CAMK4: variants seen among roughly 807,000 people sequenced by gnomAD.
The protein encoded by CAMK4 is calcium/calmodulin dependent protein kinase IV.
A neutral mutation model predicts 44.9 loss-of-function variants in CAMK4; 22 were observed. The ratio of observed to expected loss-of-function variants is 0.49; its 90% CI spans 0.35 to 0.70. The LOEUF (loss-of-function observed/expected upper bound fraction) is 0.70, where lower values mean the gene tolerates loss of function less well. Among genes scored for constraint, CAMK4 ranks in the 30% least tolerant of loss-of-function variants. CAMK4 has a pLI of 0.01. For synonymous variants in CAMK4, 218 were observed against 215.4 expected (o/e 1.01, Z -0.11); for missense variants, 498 against 586.8 (o/e 0.85, Z 1.56).
At chr5:111,392,643 A>T (rs1286041153) in intron 4 of CAMK4, among the ~76,000 whole-genome samples, 1 of 152,200 alleles carries the variant, frequency 6.6e-6, no homozygotes, top group East Asian at 1.9e-4. Flanking sequence ...TAGTAAAAAC[A>T]TATATAAAAC....
intron 4 of CAMK4, among the ~76,000 whole-genome samples, chr5:111,390,425 T>G (rs1025587649): frequency 1.3e-5 from 2 of 152,176 alleles, no homozygotes; most frequent in Non-Finnish European, 2.9e-5. Flanking sequence ...TTACAGATTT[T>G]AAATTCAACT....
chr5:111,338,389 A>G (rs940133682), intron 1 of CAMK4, among the ~76,000 whole-genome samples: 4 of 151,250 alleles, frequency 2.6e-5, no homozygotes, highest in Admixed American at 6.6e-5. Context: ...TCTCCACTCC[A>G]ATCCTCTGGT....
chr5:111,320,996 T>G (rs306076), intron 1 of CAMK4, among the ~76,000 whole-genome samples: 129,318 of 152,128 alleles, frequency 0.85, 55,116 homozygotes, highest in East Asian at 0.99. Context: ...TGAAATGGAA[T>G]AATTATGGAC....
intron 5 of CAMK4, among the ~76,000 whole-genome samples, chr5:111,432,369 G>A (rs986838531): frequency 6.6e-6 from 1 of 151,940 alleles, no homozygotes; most frequent in African/African-American, 2.4e-5. Flanking sequence ...GTGTAGTAGG[G>A]GGTTCGGGGA....
chr5:111,433,562 A>C (rs746711061), intron 5 of CAMK4, among the ~76,000 whole-genome samples: 1 of 152,198 alleles, frequency 6.6e-6, no homozygotes, highest in Non-Finnish European at 1.5e-5. Flanking sequence ...AACAAGTTAC[A>C]ATCCTACCCA....
chr5:111,481,906 G>T (rs569486862), intron 9 of CAMK4: 1 of 152,288 alleles, frequency 6.6e-6, no homozygotes, highest in African/African-American at 2.4e-5. Flanking sequence ...AGGAATTAAA[G>T]TGGAAATAAG....
intron 1 of CAMK4, among the ~76,000 whole-genome samples, chr5:111,278,953 A>G (rs1315000623): frequency 1.3e-5 from 2 of 152,176 alleles, no homozygotes; most frequent in Non-Finnish European, 2.9e-5. Context: ...CACTAACCCA[A>G]TGGCGGTAGG....
intron 1 of CAMK4, among the ~76,000 whole-genome samples, chr5:111,237,130 A>T (rs995980440): frequency 6.6e-6 from 1 of 152,172 alleles, no homozygotes; most frequent in East Asian, 1.9e-4. Flanking sequence ...CACAATGCCT[A>T]GTTTATAGTG....
intron 1 of CAMK4, among the ~76,000 whole-genome samples, chr5:111,308,096 G>C (rs1748006773): frequency 2.6e-5 from 3 of 113,756 alleles, no homozygotes; most frequent in Admixed American, 9.1e-5. Flanking sequence ...TCTGGGGACT[G>C]TGGTGGGGTC....
At chr5:111,225,163 G>C (rs574058785) in intron 1 of CAMK4, among the ~76,000 whole-genome samples, 1 of 152,210 alleles carries the variant, frequency 6.6e-6, no homozygotes, top group Non-Finnish European at 1.5e-5. Context: ...AGTGAAGGGA[G>C]AAATGAATCA....
intron 5 of CAMK4, among the ~76,000 whole-genome samples, chr5:111,420,802 G>A (rs535714456): frequency 3.9e-5 from 6 of 152,342 alleles, no homozygotes; most frequent in Non-Finnish European, 8.8e-5. Context: ...GGCGGTCAGA[G>A]TTTAAGGTTA....
At chr5:111,354,850 C>T (rs1275156181) in intron 2 of CAMK4, among the ~76,000 whole-genome samples, 2 of 152,084 alleles carry the variant, frequency 1.3e-5, no homozygotes, top group African/African-American at 4.8e-5. Context: ...CTCAACCAGG[C>T]AGACTCAGGA....
At chr5:111,443,631 C>T (rs1354798061) in intron 5 of CAMK4, among the ~76,000 whole-genome samples, 1 of 151,702 alleles carries the variant, frequency 6.6e-6, no homozygotes, top group African/African-American at 2.4e-5. Context: ...TGTTGTTTAA[C>T]TTGCACTTAG....
intron 5 of CAMK4, among the ~76,000 whole-genome samples, chr5:111,399,925 A>T (rs1189072743): frequency 6.6e-6 from 1 of 152,164 alleles, no homozygotes; most frequent in Non-Finnish European, 1.5e-5. Flanking sequence ...CAATTGGTGA[A>T]AAATGGATGT....
At chr5:111,427,382 C>T (rs1753264721) in intron 5 of CAMK4, among the ~76,000 whole-genome samples, 1 of 152,182 alleles carries the variant, frequency 6.6e-6, no homozygotes, top group African/African-American at 2.4e-5. Flanking sequence ...GGACCTTAGC[C>T]TGTGAAAGTT....
Position 111,224,571 on chromosome 5 carries a change from C to G in CAMK4, c.88C>G (p.Pro30Ala), listed in dbSNP as rs1338267810. 1 of 1,612,534 alleles carries G rather than the reference C, an allele frequency of 6.2e-7. No homozygotes were observed. Among genetic ancestry groups the G allele is most frequent in the Admixed American group, 1.7e-5 (1 of 59,960 alleles). ...SAAPGTASLV[P>A]DYWIDGSNRD... ...GGCCCCGGGGACCGCGAGCCTCGTC[C>G]CGGATTACTGGATCGACGGCTCCAA... The change falls in exon 1 of 11, where the codon CCG (proline) becomes GCG (alanine). Residue 30 changes from proline (P) to alanine (A), a missense_variant. Physicochemically the swap from Pro to Ala is conservative, Grantham distance 27. Coordinates refer to ENST00000282356, the MANE Select transcript of CAMK4 (RefSeq NM_001744.6). This position sits in a 1 kb window ranked among gnomAD's most constrained non-coding sequence, Gnocchi z 5.7.
chr5:111,469,172 AATATATAT>A (rs1229770102), intron 7 of CAMK4, among the ~76,000 whole-genome samples: 350 of 31,958 alleles, frequency 0.011, 11 homozygotes, highest in African/African-American at 0.036. Context: ...AAAAAAAAAA[AATATATAT>A]ATATATATAT....
intron 4 of CAMK4, among the ~76,000 whole-genome samples, chr5:111,377,476 A>G (rs1482431873): frequency 8.5e-6 from 1 of 117,450 alleles, no homozygotes; most frequent in African/African-American, 3.3e-5. Context: ...TTTCCTGTTC[A>G]TATGTTCATC....
intron 1 of CAMK4, among the ~76,000 whole-genome samples, chr5:111,330,424 A>G (rs1434862977): frequency 3.3e-5 from 5 of 151,698 alleles, no homozygotes; most frequent in Non-Finnish European, 5.9e-5. Flanking sequence ...AAATTGATCT[A>G]TAGATTCAAT....
Sources: allele counts gnomAD v4.1 joint callset (sites outside exome capture counted in the v4.1 genomes callset), GRCh38; gene constraint gnomAD v4.1.1; non-coding constraint Gnocchi (gnomAD v3.1); transcripts MANE v1.5; gene names NCBI Gene and HGNC (gene_info 2026-07-23, HGNC 2026-07-21).